HMGA2: variants seen among roughly 807,000 people sequenced by gnomAD.
HMGA2 encodes the protein high mobility group AT-hook 2, also known as high mobility group protein HMGI-C.
In HMGA2, 8 loss-of-function variants were observed where a neutral mutation model predicts 19.1. The observed-to-expected ratio is 0.42, with a 90% CI of 0.25 to 0.76. The LOEUF (loss-of-function observed/expected upper bound fraction) is 0.76, where lower values mean the gene tolerates loss of function less well. HMGA2 is among the 30% of genes least tolerant of loss of function. The probability of loss-of-function intolerance (pLI) is 0.28; values close to 1 mark genes in which losing one functional copy is unlikely to be tolerated. For synonymous variants in HMGA2, 60 were observed against 48.8 expected (o/e 1.23, Z -0.96); for missense variants, 109 against 136.3 (o/e 0.80, Z 1.00).
intron 3 of HMGA2, among the ~76,000 whole-genome samples, chr12:65,866,224 A>T (rs539243765): frequency 1.3e-5 from 2 of 152,342 alleles, no homozygotes; most frequent in Admixed American, 1.3e-4. Flanking sequence ...GACACTGGAG[A>T]AAACTTAAGG....
chr12:65,922,228 G>T (rs902237652), intron 3 of HMGA2, among the ~76,000 whole-genome samples: 3 of 152,150 alleles, frequency 2.0e-5, no homozygotes, highest in African/African-American at 7.2e-5. Flanking sequence ...CTTTCACTAT[G>T]TGTCTGGAAA....
chr12:65,894,798 G>A (rs1874055770), intron 3 of HMGA2, among the ~76,000 whole-genome samples: 1 of 152,154 alleles, frequency 6.6e-6, no homozygotes, highest in South Asian at 2.1e-4. Flanking sequence ...CTTAGAAAGG[G>A]CAAAGTTGGC....
intron 3 of HMGA2, among the ~76,000 whole-genome samples, chr12:65,885,319 T>A (rs12425829): frequency 0.046 from 7,073 of 152,282 alleles, 451 homozygotes; most frequent in South Asian, 0.26. Context: ...GTGGGTTTTT[T>A]AAATGACATC....
intron 1 of HMGA2, 101 bp from the exon 2 acceptor site, chr12:65,827,900 C>T (rs1870287143): frequency 1.2e-6 from 1 of 810,424 alleles, no homozygotes; most frequent in Admixed American, 1.8e-5. Context: ...GTTCCAACAG[C>T]TCTTTTGAGC....
intron 4 of HMGA2, chr12:65,954,780 G>A (rs962348638): frequency 8.5e-5 from 13 of 152,058 alleles, no homozygotes; most frequent in African/African-American, 3.1e-4. Context: ...AAATCTAAAG[G>A]GGAAAATCTG....
chr12:65,881,963 C>G (rs1471447850), intron 3 of HMGA2: 1 of 699,360 alleles, frequency 1.4e-6, no homozygotes, highest in Non-Finnish European at 2.6e-6. Flanking sequence ...CCTCCGTAGC[C>G]TTTGCAGCTG....
At chr12:65,847,522 C>T (rs1412519068) in intron 3 of HMGA2, among the ~76,000 whole-genome samples, 1 of 152,054 alleles carries the variant, frequency 6.6e-6, no homozygotes, top group Non-Finnish European at 1.5e-5. Flanking sequence ...GTGCATATCT[C>T]CTATTTATCT....
intron 3 of HMGA2, among the ~76,000 whole-genome samples, chr12:65,885,563 T>C (rs1294830826): frequency 6.6e-6 from 1 of 151,966 alleles, no homozygotes; most frequent in Non-Finnish European, 1.5e-5. Flanking sequence ...TCTTGTGCAC[T>C]AGCAGCCCTG....
chr12:65,838,393 CA>C (rs60377295), intron 2 of HMGA2, 125 bp from the exon 3 acceptor site: 144,298 of 562,512 alleles, frequency 0.26, 9,343 homozygotes, highest in African/African-American at 0.58. Flanking sequence ...TTAAAAAAAA[CA>C]AAAAAAAAAA....
At chr12:65,860,583 T>A (rs1872004850) in intron 3 of HMGA2, among the ~76,000 whole-genome samples, 1 of 152,248 alleles carries the variant, frequency 6.6e-6, no homozygotes, top group African/African-American at 2.4e-5. Flanking sequence ...AACCTAGGAC[T>A]GTGGTATACA....
chr12:65,891,260 C>T (rs1873899369), intron 3 of HMGA2, among the ~76,000 whole-genome samples: 1 of 152,118 alleles, frequency 6.6e-6, no homozygotes, highest in Admixed American at 6.5e-5. Flanking sequence ...ATTTCTGTTT[C>T]TTAGGGGCCA....
chr12:65,963,419 G>GGTGGC lies in HMGA2; in HGVS notation c.*131_*132insCGTGG. The GGTGGC allele has an allele frequency of 2.4e-6, 1 of 418,984 alleles. No individual in the cohort carries two copies. Among genetic ancestry groups the GGTGGC allele is most frequent in the Non-Finnish European group, 4.3e-6 (1 of 231,800 alleles). The allele number at this position is 418,984 out of a possible 1,614,324, so 26.0% of individuals were successfully genotyped here. On this transcript the variant is annotated 3_prime_UTR_variant, in exon 5 of 5. Transcript: ENST00000403681. ...TTTCATCTGGGGTGGGGTGGGGTGG[G>GGTGGC]GTGGGGGAGGGGGGGGTGGGGTGGG...
chr12:65,843,806 T>C (rs969040295), intron 3 of HMGA2, among the ~76,000 whole-genome samples: 1 of 152,134 alleles, frequency 6.6e-6, no homozygotes, highest in African/African-American at 2.4e-5. Flanking sequence ...CCCAGCACTT[T>C]GGGAGGCCAA....
chr12:65,932,101 T>C (rs1220033818), intron 3 of HMGA2, among the ~76,000 whole-genome samples: 1 of 152,168 alleles, frequency 6.6e-6, no homozygotes, highest in African/African-American at 2.4e-5. Flanking sequence ...AAGGTTCACA[T>C]TAATTGTCAT....
intron 3 of HMGA2, among the ~76,000 whole-genome samples, chr12:65,931,161 A>C (rs968665968): frequency 1.4e-4 from 21 of 152,304 alleles, no homozygotes; most frequent in Non-Finnish European, 2.9e-4. Context: ...TTTGTTCAGC[A>C]TCAAAGAAAA....
Position 65,951,424 on chromosome 12 carries a change from T to C in HMGA2, c.282+9T>C, listed in dbSNP as rs577654784. On this transcript the variant is annotated intron_variant, in intron 4 of 4. Transcript: ENST00000403681. ...AGAAGAAGCCTGCTCAGGTAAGACA[T>C]AGTCATTAATTTTTTTCTCCCAATT... 153 of 1,513,642 alleles carry C rather than the reference T, an allele frequency of 1.0e-4. 1 individual carries two copies. In the South Asian group the frequency reaches 1.8e-3, roughly 18 times the overall value. 93.8% of individuals were successfully genotyped at this position (1,513,642 alleles called of 1,614,324 possible).
In HMGA2 at chr12:65,941,681, T is replaced by A. The variant is rs1177576136; in HGVS notation, c.250-9702T>A. On this transcript the variant is annotated intron_variant, in intron 3 of 4. Transcript: ENST00000403681. The stretch of plus-strand genomic sequence containing the variant: ...GAAAAGAAATGCCTAAAATCATGAT[T>A]CAGCTTTTTAAATTCAGTTTCCATG... Among the ~76,000 whole-genome samples, 6 of 152,356 alleles carry A rather than the reference T, an allele frequency of 3.9e-5. No homozygotes were observed. The East Asian group carries it at 1.2e-3, about 29-fold the overall frequency.
intron 3 of HMGA2, chr12:65,915,315 T>A: frequency 7.1e-7 from 1 of 1,413,778 alleles, no homozygotes; most frequent in Non-Finnish European, 9.3e-7. Flanking sequence ...CATCCCAAGA[T>A]GTAGTTTCAC....
rs181856304 is a variant in HMGA2 at position 65,849,386 on chromosome 12, C to T, written c.249+10817C>T. 3.9e-5 allele frequency among the ~76,000 whole-genome samples: 6 copies of T among 152,248 alleles called. No individual in the cohort carries two copies. In the East Asian group the frequency reaches 1.2e-3, roughly 29 times the overall value. ...GACATTCTTGGCACTGGATGCACAC[C>T]TTATAAGTTTTAAGGAAAGGATGAA... On this transcript the variant is annotated intron_variant, in intron 3 of 4. Transcript: ENST00000403681.
Sources: allele counts gnomAD v4.1 joint callset (sites outside exome capture counted in the v4.1 genomes callset), GRCh38; gene constraint gnomAD v4.1.1; transcripts MANE v1.5; gene names NCBI Gene and HGNC (gene_info 2026-07-23, HGNC 2026-07-21).